The following ZNF804B variants were observed in gnomAD, a reference collection of about 807,000 sequenced individuals.
The protein encoded by ZNF804B is zinc finger protein 804B.
A neutral mutation model predicts 101.4 loss-of-function variants in ZNF804B; 80 were observed. The ratio of observed to expected loss-of-function variants is 0.79; its 90% CI spans 0.66 to 0.95. The LOEUF (loss-of-function observed/expected upper bound fraction) is 0.95, where lower values mean the gene tolerates loss of function less well. Ranked by LOEUF, ZNF804B falls within the 40% of genes least tolerant of loss-of-function variation. The pLI is 0.00. For missense variants in ZNF804B, 1,673 were observed against 1,561.9 expected, an observed-to-expected ratio of 1.07 and a Z score of -1.20; for synonymous variants, 622 against 558.8, an observed-to-expected ratio of 1.11 and a Z score of -1.59.
intron 1 of ZNF804B, among the ~76,000 whole-genome samples, chr7:88,770,681 T>C (rs1442301557): frequency 6.6e-6 from 1 of 152,122 alleles, no homozygotes; most frequent in Non-Finnish European, 1.5e-5. Flanking sequence ...TTAATGCCAG[T>C]CTCCTGTCTC....
intron 1 of ZNF804B, among the ~76,000 whole-genome samples, chr7:89,076,257 T>C (rs1003774787): frequency 5.9e-5 from 9 of 152,206 alleles, no homozygotes; most frequent in Admixed American, 1.3e-4. Context: ...CATCTTGAAT[T>C]GTAAATTCCA....
intron 1 of ZNF804B, among the ~76,000 whole-genome samples, chr7:88,763,774 GA>G (rs1789936572): frequency 6.6e-6 from 1 of 151,972 alleles, no homozygotes; most frequent in South Asian, 2.1e-4. Flanking sequence ...TAGATAGATA[GA>G]TAGATAGATA....
chr7:89,288,875 C>A (rs184683911), intron 2 of ZNF804B, among the ~76,000 whole-genome samples: 62 of 151,956 alleles, frequency 4.1e-4, no homozygotes, highest in Non-Finnish European at 8.8e-5. Context: ...GAAGAAGGAA[C>A]AATAAAATAT....
chr7:88,852,420 G>C lies in ZNF804B; in HGVS notation c.108+92336G>C, dbSNP rs117515103. Reference sequence around the variant, plus strand: ...AGGCCCTAGAAGGCTAAATACCTTTGTGTTGCTCAGATAGCCTGATTTATG... The same window carrying C: ...AGGCCCTAGAAGGCTAAATACCTTTCTGTTGCTCAGATAGCCTGATTTATG... On this transcript the variant is annotated intron_variant, in intron 1 of 3. Transcript: ENST00000333190. 5.9e-5 allele frequency among the ~76,000 whole-genome samples: 9 copies of C among 152,134 alleles called. No homozygotes were observed. In the East Asian group the frequency reaches 1.2e-3, roughly 20 times the overall value.
chr7:88,823,334 G>C (rs1457558551), intron 1 of ZNF804B, among the ~76,000 whole-genome samples: 1 of 152,160 alleles, frequency 6.6e-6, no homozygotes, highest in East Asian at 1.9e-4. Context: ...TGATCTCCAT[G>C]ATGCCTCTTG....
intron 1 of ZNF804B, among the ~76,000 whole-genome samples, chr7:88,865,598 T>C (rs569324005): frequency 1.3e-5 from 2 of 152,280 alleles, no homozygotes; most frequent in East Asian, 3.9e-4. Flanking sequence ...CAAACTTCTG[T>C]GACCCCAAAT....
chr7:89,059,953 A>G (rs1016877973), intron 1 of ZNF804B, among the ~76,000 whole-genome samples: 5 of 152,200 alleles, frequency 3.3e-5, no homozygotes, highest in South Asian at 2.1e-4. Flanking sequence ...TCTTTGAGAC[A>G]TTCTTCTGCT....
At chr7:89,189,128 C>T (rs1788417934) in intron 1 of ZNF804B, among the ~76,000 whole-genome samples, 1 of 152,032 alleles carries the variant, frequency 6.6e-6, no homozygotes, top group Non-Finnish European at 1.5e-5. Flanking sequence ...TCAGAAAATC[C>T]CAGACTCTTG....
intron 1 of ZNF804B, among the ~76,000 whole-genome samples, chr7:89,199,833 A>ATG (rs994219761): frequency 6.7e-6 from 1 of 149,512 alleles, no homozygotes; most frequent in African/African-American, 2.4e-5. Context: ...ACATCCATAT[A>ATG]TGTGTGTGTG....
intron 1 of ZNF804B, among the ~76,000 whole-genome samples, chr7:88,941,859 A>T (rs1421889585): frequency 6.6e-6 from 1 of 151,964 alleles, no homozygotes; most frequent in Non-Finnish European, 1.5e-5. Context: ...GCCCATTGAC[A>T]TTTCTGGGTT....
rs866271807 is a variant in ZNF804B at position 89,038,684 on chromosome 7, C to A, written c.109-179471C>A. On this transcript the variant is annotated intron_variant, in intron 1 of 3. Coordinates refer to ENST00000333190, the MANE Select transcript of ZNF804B (RefSeq NM_181646.5). ...ATTCAGTTTGATATAATCCCATTCA[C>A]CTAGTTTTGCTTTTATTGCCTTTGT... 3.8e-4 allele frequency among the ~76,000 whole-genome samples: 58 copies of A among 152,108 alleles called. 1 individual carries two copies. The Middle Eastern group carries it at 0.014, about 36-fold the overall frequency.
chr7:88,892,719 T>C (rs1489891993), intron 1 of ZNF804B, among the ~76,000 whole-genome samples: 1 of 152,192 alleles, frequency 6.6e-6, no homozygotes. Context: ...AAATGTTTTT[T>C]CTTTCTCCTG....
intron 1 of ZNF804B, among the ~76,000 whole-genome samples, chr7:89,119,271 A>T (rs529043479): frequency 9.8e-5 from 15 of 152,322 alleles, no homozygotes; most frequent in African/African-American, 3.4e-4. Flanking sequence ...CAGAAAAATT[A>T]CAACAGAACA....
intron 1 of ZNF804B, among the ~76,000 whole-genome samples, chr7:88,879,934 G>A (rs1792007887): frequency 6.6e-6 from 1 of 152,012 alleles, no homozygotes; most frequent in African/African-American, 2.4e-5. Context: ...AGCTATGCAG[G>A]AGACTGAGGC....
chr7:89,156,057 T>TCTC (rs1790965065), intron 1 of ZNF804B, among the ~76,000 whole-genome samples: 2 of 82,196 alleles, frequency 2.4e-5, no homozygotes, highest in South Asian at 8.4e-4. Context: ...TCTTTCTTTC[T>TCTC]TTCTTTCTTT....
At chr7:89,104,191 CT>C (rs1237375974) in intron 1 of ZNF804B, among the ~76,000 whole-genome samples, 1 of 151,796 alleles carries the variant, frequency 6.6e-6, no homozygotes, top group Admixed American at 6.6e-5. Flanking sequence ...CTGTAGTTGT[CT>C]TTTTTTGTTG....
chr7:89,305,031 G>A (rs1790539009), intron 2 of ZNF804B, among the ~76,000 whole-genome samples: 1 of 152,084 alleles, frequency 6.6e-6, no homozygotes, highest in Admixed American at 6.6e-5. Flanking sequence ...TCTCTAAAGT[G>A]GGCTGGCTGC....
In ZNF804B at chr7:89,204,424, T is replaced by G. The variant is rs1472286474; in HGVS notation, c.109-13731T>G. Among the ~76,000 whole-genome samples, 2 of 152,142 alleles carry G rather than the reference T, an allele frequency of 1.3e-5. 1 individual carries two copies. Among genetic ancestry groups the G allele is most frequent in the Admixed American group, 1.3e-4 (2 of 15,270 alleles). ...TGTGAGTCTGGAGGAAGAAAACTCATTTTCTTATCATGTTTCACACACCCA... is the reference window on the plus strand; with the variant it reads ...TGTGAGTCTGGAGGAAGAAAACTCAGTTTCTTATCATGTTTCACACACCCA... On this transcript the variant is annotated intron_variant, in intron 1 of 3. Transcript: ENST00000333190.
At chr7:88,776,797 G>T (rs1301390518) in intron 1 of ZNF804B, among the ~76,000 whole-genome samples, 1 of 57,390 alleles carries the variant, frequency 1.7e-5, no homozygotes, top group Non-Finnish European at 3.5e-5. Flanking sequence ...CCCCCACCCT[G>T]TTCACTTCGT....
Sources: allele counts gnomAD v4.1 joint callset (sites outside exome capture counted in the v4.1 genomes callset), GRCh38; gene constraint gnomAD v4.1.1; transcripts MANE v1.5; gene names NCBI Gene and HGNC (gene_info 2026-07-23, HGNC 2026-07-21).